Variants in PLAGL2 observed in about 807,000 individuals in gnomAD.
PLAGL2 encodes the protein PLAG1 like zinc finger 2.
PLAGL2 carries 7 observed loss-of-function variants against 29.0 expected under a neutral mutation model. The observed-to-expected ratio is 0.24, with a 90% CI of 0.14 to 0.45. The LOEUF (loss-of-function observed/expected upper bound fraction) is 0.45, where lower values mean the gene tolerates loss of function less well. Ranked by LOEUF, PLAGL2 falls within the 20% of genes least tolerant of loss-of-function variation. The probability of loss-of-function intolerance (pLI) is 0.99; values close to 1 mark genes in which losing one functional copy is unlikely to be tolerated. For synonymous variants in PLAGL2, 234 were observed against 266.0 expected (o/e 0.88, Z 1.17); for missense variants, 454 against 648.2 (o/e 0.70, Z 3.25).
At chr20:32,205,556 CCT>C (rs775298224) in intron 1 of PLAGL2, among the ~76,000 whole-genome samples, 5 of 152,138 alleles carry the variant, frequency 3.3e-5, no homozygotes, top group Non-Finnish European at 7.4e-5. Context: ...CTGTCCGTCC[CCT>C]GTTATGGGCC....
chr20:32,199,396 T>A (rs1329736461), intron 2 of PLAGL2, among the ~76,000 whole-genome samples: 1 of 152,180 alleles, frequency 6.6e-6, no homozygotes, highest in Non-Finnish European at 1.5e-5. Flanking sequence ...TTCCCTCATT[T>A]TGCAGGTGAG....
At chr20:32,199,893 T>C (rs2047249953) in intron 2 of PLAGL2, among the ~76,000 whole-genome samples, 2 of 152,060 alleles carry the variant, frequency 1.3e-5, no homozygotes, top group African/African-American at 4.8e-5. Context: ...GGAGTTCCCT[T>C]AACTTATAGG....
In PLAGL2 at chr20:32,207,720, T is replaced by C; in HGVS notation, c.-194A>G. 3.0e-6 allele frequency: 1 copy of C among 328,354 alleles called. No individual in the cohort carries two copies. 20.3% of individuals were successfully genotyped at this position (328,354 alleles called of 1,614,324 possible). A position where few individuals can be genotyped will look rare whatever the true frequency, so the allele number is the denominator to read the frequency against. On this transcript the variant is annotated 5_prime_UTR_variant, in exon 1 of 3. Transcript: ENST00000246229. ...CCTCAGGCCCCGGTAGTGGCGGCGG[T>C]CGGGCCATTGTGCGGTGCATTGTGG...
rs1416171027 is a variant in PLAGL2, at chr20:32,194,608, C to G, written c.*1844G>C. 2 of 152,634 alleles carry G rather than the reference C, an allele frequency of 1.3e-5. No homozygotes were observed. Among genetic ancestry groups the G allele is most frequent in the Non-Finnish European group, 2.9e-5 (2 of 68,050 alleles). 9.5% of individuals were successfully genotyped at this position (152,634 alleles called of 1,614,324 possible). On this transcript the variant is annotated 3_prime_UTR_variant, in exon 3 of 3. Coordinates refer to ENST00000246229, the MANE Select transcript of PLAGL2 (RefSeq NM_002657.3). Reference sequence around the variant, plus strand: ...CTCAAACAAGGAGTACTGGCTTAGGCTGAAGCAGAAAGCTGAGTCCTGGAC... The same window carrying G: ...CTCAAACAAGGAGTACTGGCTTAGGGTGAAGCAGAAAGCTGAGTCCTGGAC...
At chr20:32,206,143 C>G (rs1400253104) in intron 1 of PLAGL2, among the ~76,000 whole-genome samples, 1 of 152,036 alleles carries the variant, frequency 6.6e-6, no homozygotes, top group Non-Finnish European at 1.5e-5. Context: ...AAAAACAAAA[C>G]AAAACAAAAC....
At chr20:32,198,036 GAC>G (rs1394465273) in intron 2 of PLAGL2, among the ~76,000 whole-genome samples, 1 of 152,158 alleles carries the variant, frequency 6.6e-6, no homozygotes, top group Non-Finnish European at 1.5e-5. Context: ...GCTCCTAAGA[GAC>G]AGGAAGTAGA....
chr20:32,198,611 T>G (rs1024762769), intron 2 of PLAGL2, among the ~76,000 whole-genome samples: 1 of 152,254 alleles, frequency 6.6e-6, no homozygotes, highest in Non-Finnish European at 1.5e-5. Context: ...CACTCCATCC[T>G]GGGTGACAGA....
intron 1 of PLAGL2, among the ~76,000 whole-genome samples, chr20:32,202,580 T>C (rs571873396): frequency 7.8e-4 from 119 of 152,386 alleles, no homozygotes; most frequent in Middle Eastern, 3.4e-3. Flanking sequence ...TAGTACCATC[T>C]AGGCTAATAA....
chr20:32,198,036 G>C (rs946095022), intron 2 of PLAGL2, among the ~76,000 whole-genome samples: 1 of 152,158 alleles, frequency 6.6e-6, no homozygotes, highest in Non-Finnish European at 1.5e-5. Context: ...GCTCCTAAGA[G>C]ACAGGAAGTA....
In PLAGL2 at chr20:32,193,152, A is replaced by G. The variant is rs571611311; in HGVS notation, c.*3300T>C. 1 of 152,552 alleles carries G rather than the reference A, an allele frequency of 6.6e-6. No homozygotes were observed. Among genetic ancestry groups the G allele is most frequent in the East Asian group, 1.9e-4 (1 of 5,188 alleles). The allele number at this position is 152,552 out of a possible 1,614,324, so 9.4% of individuals were successfully genotyped here. ...AAAAAGCAAAATATTGATCCTGTAC[A>G]ATATAACCTGTTAAAAAAATCGTGC... On this transcript the variant is annotated 3_prime_UTR_variant, in exon 3 of 3. Transcript: ENST00000246229.
intron 2 of PLAGL2, among the ~76,000 whole-genome samples, chr20:32,199,472 T>C (rs2047247813): frequency 6.6e-6 from 1 of 152,072 alleles, no homozygotes; most frequent in South Asian, 2.1e-4. Flanking sequence ...ATGTGATGAG[T>C]CAGGGCTCCT....
At chr20:32,200,864 G>T (rs78691234) in intron 2 of PLAGL2, among the ~76,000 whole-genome samples, 2,220 of 152,316 alleles carry the variant, frequency 0.015, 46 homozygotes, top group African/African-American at 0.049. Context: ...AAAGTGCTGG[G>T]ATTACAAGTG....
intron 1 of PLAGL2, among the ~76,000 whole-genome samples, chr20:32,203,276 T>A (rs969744410): frequency 3.9e-5 from 6 of 152,224 alleles, no homozygotes; most frequent in African/African-American, 1.4e-4. Flanking sequence ...CCCAGGTAGT[T>A]CTGGTTTAAA....
intron 2 of PLAGL2, among the ~76,000 whole-genome samples, chr20:32,200,664 C>A (rs941592214): frequency 3.3e-5 from 5 of 152,138 alleles, no homozygotes; most frequent in African/African-American, 1.2e-4. Flanking sequence ...AATCTCAGTT[C>A]ACTGCAACCT....
At chr20:32,198,211 A>C (rs1217277103) in intron 2 of PLAGL2, among the ~76,000 whole-genome samples, 1 of 152,272 alleles carries the variant, frequency 6.6e-6, no homozygotes, top group East Asian at 1.9e-4. Context: ...AACAGCTTAT[A>C]GATGGGTGTC....
At position 32,202,085 on chromosome 20, in the gene PLAGL2, G is replaced by A. The variant is rs61757724; in HGVS notation, c.94C>T (p.Arg32Trp). The A allele has an allele frequency of 4.1e-3, 6,600 of 1,614,092 alleles. 54 individuals carry two copies. In the Middle Eastern group the frequency reaches 0.06, roughly 15 times the overall value. Residue 32 changes from arginine (R) to tryptophan (W), a missense_variant, in exon 2 of 3, where the codon CGG becomes TGG. This residue lies in a region of PLAGL2 where 89 missense variants were observed against 90.4 expected (regional missense o/e 0.98). Coordinates refer to ENST00000246229, the MANE Select transcript of PLAGL2 (RefSeq NM_002657.3). Reference sequence around the variant, plus strand: ...CACTTCACTTGACTCTCCGCCTCCCGGCCCCGAGGCCTGGGAACTAGTTTC... The same window carrying A: ...CACTTCACTTGACTCTCCGCCTCCCAGCCCCGAGGCCTGGGAACTAGTTTC... ...GWKLVPRPRG[R>W]EAESQVKCQC...
Position 32,197,125 on chromosome 20 carries a change from C to A in PLAGL2, c.818G>T (p.Ser273Ile). The change falls in exon 3 of 3, where the codon AGC becomes ATC. Residue 273 changes from serine to isoleucine, a missense_variant. This residue lies in a region of PLAGL2 where 247 missense variants were observed against 350.3 expected (regional missense o/e 0.71). Coordinates refer to ENST00000246229, the MANE Select transcript of PLAGL2 (RefSeq NM_002657.3). The surrounding 1 kb of genome is among the most constrained non-coding windows in gnomAD (Gnocchi z 6.6). Reference sequence around the variant, plus strand: ...CCGAGAGGCCATGCACAGCACAGGGCTCAGCTCTTCCTTCACACTGACTGT... The same window carrying A: ...CCGAGAGGCCATGCACAGCACAGGGATCAGCTCTTCCTTCACACTGACTGT... ...SSTVSVKEEL[S>I]PVLCMASRDV... The A allele has an allele frequency of 6.2e-7, 1 of 1,614,184 alleles. No homozygotes were observed. Among genetic ancestry groups the A allele is most frequent in the Non-Finnish European group, 8.5e-7 (1 of 1,180,018 alleles).
intron 1 of PLAGL2, among the ~76,000 whole-genome samples, chr20:32,203,482 C>G (rs1402208330): frequency 1.3e-5 from 2 of 152,236 alleles, no homozygotes; most frequent in Non-Finnish European, 1.5e-5. Context: ...AAGCTTACCA[C>G]AGATTACCAA....
In PLAGL2 at chr20:32,192,906, G is replaced by A. The variant is rs560960110; in HGVS notation, c.*3546C>T. The A allele has an allele frequency of 2.0e-5, 3 of 152,662 alleles. No individual in the cohort carries two copies. Among genetic ancestry groups the A allele is most frequent in the Non-Finnish European group, 4.4e-5 (3 of 68,042 alleles). The allele number at this position is 152,662 out of a possible 1,614,324, so 9.5% of individuals were successfully genotyped here. On this transcript the variant is annotated 3_prime_UTR_variant, in exon 3 of 3. Transcript: ENST00000246229. ...GCTGACACACAAAGAAATCGGACTGGAATTTTTCCAAACCCCTCTATGGAG... is the reference window on the plus strand; with the variant it reads ...GCTGACACACAAAGAAATCGGACTGAAATTTTTCCAAACCCCTCTATGGAG...
Sources: gnomAD v4.1 joint callset for allele counts (sites outside exome capture counted in the v4.1 genomes callset) on GRCh38, gnomAD v4.1.1 for gene constraint, gnomAD v4.1.1 regional missense constraint, Gnocchi (gnomAD v3.1) non-coding constraint, MANE v1.5 for transcripts, NCBI Gene and HGNC (gene_info 2026-07-23, HGNC 2026-07-21) for gene names.